The following SIDT1 variants were observed in gnomAD, a reference collection of about 807,000 sequenced individuals.
The protein encoded by SIDT1 is SID1 transmembrane family member 1, also known as SID1 transmembrane family, member 1.
In SIDT1, 101 loss-of-function variants were observed where a neutral mutation model predicts 107.5. That is an observed-to-expected ratio of 0.94 (90% CI 0.80 to 1.11). The LOEUF (loss-of-function observed/expected upper bound fraction) is 1.11. Among genes scored for constraint, SIDT1 ranks in the 50% least tolerant of loss-of-function variants. The pLI is 0.00. For synonymous variants in SIDT1, 395 were observed against 398.2 expected, an observed-to-expected ratio of 0.99 and a Z score of 0.10; for missense variants, 1,076 against 1,058.2, an observed-to-expected ratio of 1.02 and a Z score of -0.23.
At chr3:113,617,293 A>G (rs1043379372) in intron 20 of SIDT1, among the ~76,000 whole-genome samples, 10 of 152,180 alleles carry the variant, frequency 6.6e-5, no homozygotes, top group East Asian at 3.9e-4. Context: ...TTATTGCTTG[A>G]TGGTTAAAAC....
chr3:113,607,457 A>T (rs1422617582), intron 15 of SIDT1, among the ~76,000 whole-genome samples: 1 of 152,208 alleles, frequency 6.6e-6, no homozygotes, highest in Non-Finnish European at 1.5e-5. Context: ...CATTACTATG[A>T]TCCCTATTTT....
intron 10 of SIDT1, among the ~76,000 whole-genome samples, chr3:113,597,365 C>T (rs1314213332): frequency 6.6e-6 from 1 of 151,916 alleles, no homozygotes; most frequent in Non-Finnish European, 1.5e-5. Context: ...CACATGGTGG[C>T]ATGTACCTGT....
intron 3 of SIDT1, among the ~76,000 whole-genome samples, chr3:113,576,213 G>C (rs1471142547): frequency 6.6e-6 from 1 of 152,144 alleles, no homozygotes; most frequent in Non-Finnish European, 1.5e-5. Flanking sequence ...TTACATGGAA[G>C]AATGAAAGTA....
intron 1 of SIDT1, among the ~76,000 whole-genome samples, chr3:113,555,680 CT>C (rs1262655512): frequency 2.0e-5 from 3 of 152,054 alleles, no homozygotes; most frequent in African/African-American, 7.2e-5. Flanking sequence ...CTGCTTCTTT[CT>C]GGAAAAGTGC....
chr3:113,556,536 T>C (rs1940874325), intron 1 of SIDT1, among the ~76,000 whole-genome samples: 1 of 152,156 alleles, frequency 6.6e-6, no homozygotes, highest in Non-Finnish European at 1.5e-5. Context: ...GTCTTGGCAG[T>C]GCTAAAAAGT....
chr3:113,595,771 C>G (rs896225516), intron 10 of SIDT1, among the ~76,000 whole-genome samples: 1 of 152,064 alleles, frequency 6.6e-6, no homozygotes, highest in East Asian at 1.9e-4. Flanking sequence ...AATAAGGAAC[C>G]TTTGTAAGGT....
At chr3:113,601,720 A>G (rs1365919531) in intron 11 of SIDT1, 61 bp downstream of exon 11, 13 of 1,200,768 alleles carry the variant, frequency 1.1e-5, no homozygotes, top group Non-Finnish European at 1.2e-6. Flanking sequence ...ATATGATAGA[A>G]AGGCATTCCA....
chr3:113,565,257 C>T (rs529620317), intron 1 of SIDT1, among the ~76,000 whole-genome samples: 55 of 152,220 alleles, frequency 3.6e-4, no homozygotes, highest in Non-Finnish European at 7.1e-4. Context: ...GAAGGCCAGG[C>T]GCAGTGGCTC....
At chr3:113,543,577 T>C (rs1939202400) in intron 1 of SIDT1, among the ~76,000 whole-genome samples, 1 of 152,182 alleles carries the variant, frequency 6.6e-6, no homozygotes, top group Non-Finnish European at 1.5e-5. Context: ...GGGGGTTTTT[T>C]TTAGATGTTT....
intron 17 of SIDT1, among the ~76,000 whole-genome samples, chr3:113,609,950 C>T (rs915011931): frequency 6.6e-6 from 1 of 152,066 alleles, no homozygotes; most frequent in Admixed American, 6.6e-5. Flanking sequence ...TTTATATTTA[C>T]CTTCCCGGTT....
At chr3:113,591,321 T>C (rs1025411622) in intron 9 of SIDT1, among the ~76,000 whole-genome samples, 4 of 152,204 alleles carry the variant, frequency 2.6e-5, no homozygotes, top group Admixed American at 6.5e-5. Flanking sequence ...TGTGAGTTTG[T>C]TACAGCAGCA....
intron 21 of SIDT1, among the ~76,000 whole-genome samples, chr3:113,623,192 TAAAAAAAA>T (rs61454117): frequency 1.9e-4 from 10 of 53,852 alleles, no homozygotes; most frequent in Admixed American, 2.9e-4. Context: ...CCCCAACTCT[TAAAAAAAA>T]AAAAAAAAAA....
At position 113,615,213 on chromosome 3, in the gene SIDT1, AGAGGCTCAGAGGG is replaced by A. The variant is rs1946017415; in HGVS notation, c.1967-880_1967-868del. On this transcript the variant is annotated intron_variant, in intron 19 of 24. Transcript: ENST00000264852. ...ACTCCGTGGGAGTGGGGAGCCAGAG[AGAGGCTCAGAGGG>A]GAGGCTGCACTCCACCCTAGCCTGC... 5 of 852,798 alleles carry A rather than the reference AGAGGCTCAGAGGG, an allele frequency of 5.9e-6. No homozygotes were observed. The East Asian group carries it at 1.3e-4, about 23-fold the overall frequency. The allele number at this position is 852,798 out of a possible 1,614,324, so 52.8% of individuals were successfully genotyped here. A position where few individuals can be genotyped will look rare whatever the true frequency, so the allele number is the denominator to read the frequency against.
At chr3:113,598,034 C>T (rs1319114226) in intron 10 of SIDT1, among the ~76,000 whole-genome samples, 3 of 152,218 alleles carry the variant, frequency 2.0e-5, no homozygotes, top group African/African-American at 7.2e-5. Context: ...TGGCCAATCT[C>T]ATATTTAATT....
chr3:113,563,726 T>A (rs929315174), intron 1 of SIDT1, among the ~76,000 whole-genome samples: 1 of 149,688 alleles, frequency 6.7e-6, no homozygotes, highest in South Asian at 2.1e-4. Context: ...ATGGGTCTTG[T>A]TTGTGCCCAA....
chr3:113,625,955 C>T (rs1456071295), intron 23 of SIDT1, 147 bp from the exon 24 acceptor site: 1 of 655,884 alleles, frequency 1.5e-6, no homozygotes, highest in African/African-American at 1.8e-5. Context: ...TCTTTGTGTA[C>T]AGGTTTTTGT....
intron 21 of SIDT1, among the ~76,000 whole-genome samples, chr3:113,620,539 T>A (rs566538890): frequency 6.6e-6 from 1 of 151,882 alleles, no homozygotes; most frequent in African/African-American, 2.4e-5. Flanking sequence ...CAGTGAACAG[T>A]AAGGAATGAA....
intron 1 of SIDT1, among the ~76,000 whole-genome samples, chr3:113,551,328 G>A (rs930503207): frequency 1.2e-4 from 19 of 152,164 alleles, no homozygotes; most frequent in Non-Finnish European, 1.5e-5. Context: ...GAGGTTCAAA[G>A]TACCTTTTAA....
rs149053410 is a variant in SIDT1, at chr3:113,581,121, T to C, written c.664-240T>C. On this transcript the variant is annotated intron_variant, in intron 5 of 24. Transcript: ENST00000264852. The stretch of plus-strand genomic sequence containing the variant: ...AAAATTGAAAAAAGTGTTATACACT[T>C]TAAGACAATATTTTTATAGTTCTCT... Among the ~76,000 whole-genome samples, 942 of 152,282 alleles carry C rather than the reference T, an allele frequency of 6.2e-3. 2 individuals are homozygous for C. The highest frequency in any genetic ancestry group is 0.02 in the Middle Eastern group (6 of 294).
Sources: allele counts gnomAD v4.1 joint callset (sites outside exome capture counted in the v4.1 genomes callset), GRCh38; gene constraint gnomAD v4.1.1; transcripts MANE v1.5; gene names NCBI Gene and HGNC (gene_info 2026-07-23, HGNC 2026-07-21).